The following KCTD16 variants were observed in gnomAD, a reference collection of about 807,000 sequenced individuals.
KCTD16 encodes the protein BTB/POZ domain-containing protein KCTD16.
KCTD16 carries 13 observed loss-of-function variants against 33.2 expected under a neutral mutation model. The ratio of observed to expected loss-of-function variants is 0.39; its 90% CI spans 0.25 to 0.62. The LOEUF (loss-of-function observed/expected upper bound fraction) is 0.62, where lower values mean the gene tolerates loss of function less well. Among genes scored for constraint, KCTD16 ranks in the 20% least tolerant of loss-of-function variants. The pLI is 0.50. For synonymous variants in KCTD16, 197 were observed against 195.3 expected, an observed-to-expected ratio of 1.01 and a Z score of -0.07; for missense variants, 441 against 525.1, an observed-to-expected ratio of 0.84 and a Z score of 1.57.
At chr5:144,294,543 G>T (rs1036238749) in intron 3 of KCTD16, among the ~76,000 whole-genome samples, 1 of 151,866 alleles carries the variant, frequency 6.6e-6, no homozygotes, top group Non-Finnish European at 1.5e-5. Context: ...ATATTAGCAT[G>T]TTATTTGACT....
intron 3 of KCTD16, among the ~76,000 whole-genome samples, chr5:144,334,518 C>T (rs938659320): frequency 6.6e-6 from 1 of 152,140 alleles, no homozygotes; most frequent in African/African-American, 2.4e-5. Flanking sequence ...AAAAGTTGCC[C>T]TTCTGGTGGC....
intron 3 of KCTD16, among the ~76,000 whole-genome samples, chr5:144,210,358 G>A (rs1753344477): frequency 1.3e-5 from 2 of 152,134 alleles, no homozygotes; most frequent in African/African-American, 4.8e-5. Context: ...CAAAATACAG[G>A]TGAAATGCTA....
At chr5:144,205,429 C>T (rs1753139338) in intron 2 of KCTD16, 1 of 398,428 alleles carries the variant, frequency 2.5e-6, no homozygotes, top group South Asian at 1.3e-4. Flanking sequence ...CACCCAGCTC[C>T]GCCGCCAGAG....
chr5:144,310,091 CCTCT>C (rs1418660548), intron 3 of KCTD16, among the ~76,000 whole-genome samples: 6 of 151,252 alleles, frequency 4.0e-5, no homozygotes, highest in African/African-American at 1.5e-4. Context: ...ATATTATTCT[CCTCT>C]CTACCTCCAT....
chr5:144,206,999 C>T lies in KCTD16; in HGVS notation c.285C>T (p.Val95=), dbSNP rs937025087. 2 of 1,614,038 alleles carry T rather than the reference C, an allele frequency of 1.2e-6. No individual in the cohort carries two copies. Among genetic ancestry groups the T allele is most frequent in the Non-Finnish European group, 1.7e-6 (2 of 1,180,008 alleles). The change falls in exon 3 of 4, where the codon GTC becomes GTT. Residue 95 remains valine, a synonymous_variant. Transcript: ENST00000512467. The part of the protein sequence containing the change: ...ILDYLRDRQV[V]LPDHFPEKGR... ...ACTATCTCAGGGACAGGCAGGTGGT[C>T]CTGCCTGATCACTTTCCAGAAAAAG...
chr5:144,375,113 G>T (rs1343191248), intron 3 of KCTD16, among the ~76,000 whole-genome samples: 1 of 152,162 alleles, frequency 6.6e-6, no homozygotes, highest in African/African-American at 2.4e-5. Flanking sequence ...GCATAGGGAA[G>T]GCCTTCATTC....
chr5:144,304,534 A>T (rs372139872), intron 3 of KCTD16, among the ~76,000 whole-genome samples: 38 of 152,192 alleles, frequency 2.5e-4, no homozygotes, highest in African/African-American at 8.4e-4. Flanking sequence ...ATTACGCTTC[A>T]CAGACAGGTT....
At chr5:144,295,470 G>C (rs971799104) in intron 3 of KCTD16, among the ~76,000 whole-genome samples, 1 of 152,282 alleles carries the variant, frequency 6.6e-6, no homozygotes, top group South Asian at 2.1e-4. Context: ...AACTCCAGGG[G>C]AGGCAGTGTG....
rs1754591053 is a variant in KCTD16 at position 144,476,171 on chromosome 5, T to TTGC, written c.*2057_*2058insTGC. On this transcript the variant is annotated 3_prime_UTR_variant, in exon 4 of 4. Coordinates refer to ENST00000512467, the MANE Select transcript of KCTD16 (RefSeq NM_020768.4). Reference sequence around the variant, plus strand: ...AGATCTTGCAAAGAATCACAGAGCTTAATGGGTCAAGAAGTTGAATTTGGG... The same window carrying TTGC: ...AGATCTTGCAAAGAATCACAGAGCTTTGCAATGGGTCAAGAAGTTGAATTTGGG... 6.6e-6 allele frequency: 1 copy of TTGC among 152,154 alleles called. No individual in the cohort carries two copies. Among genetic ancestry groups the TTGC allele is most frequent in the Admixed American group, 6.5e-5 (1 of 15,272 alleles). The allele number at this position is 152,154 out of a possible 1,614,324, so 9.4% of individuals were successfully genotyped here.
At chr5:144,262,356 T>C (rs2126840142) in intron 3 of KCTD16, among the ~76,000 whole-genome samples, 1 of 152,260 alleles carries the variant, frequency 6.6e-6, no homozygotes, top group East Asian at 1.9e-4. Context: ...AGGACAAAAC[T>C]TGTGGGCTAT....
At chr5:144,332,102 C>A (rs1752376554) in intron 3 of KCTD16, among the ~76,000 whole-genome samples, 1 of 152,114 alleles carries the variant, frequency 6.6e-6, no homozygotes, top group Non-Finnish European at 1.5e-5. Flanking sequence ...TCCTATCAAA[C>A]ACCTCTAAAA....
intron 3 of KCTD16, among the ~76,000 whole-genome samples, chr5:144,356,004 G>A (rs1310624030): frequency 6.6e-6 from 1 of 152,168 alleles, no homozygotes; most frequent in East Asian, 1.9e-4. Flanking sequence ...TCTGGAGCTT[G>A]TAGAACACAA....
At chr5:144,214,476 G>A (rs542361743) in intron 3 of KCTD16, among the ~76,000 whole-genome samples, 15 of 152,244 alleles carry the variant, frequency 9.9e-5, no homozygotes, top group African/African-American at 3.4e-4. Context: ...TCTTTAACAT[G>A]AACCACATCC....
At chr5:144,316,441 A>G (rs1224626994) in intron 3 of KCTD16, among the ~76,000 whole-genome samples, 1 of 151,380 alleles carries the variant, frequency 6.6e-6, no homozygotes, top group African/African-American at 2.4e-5. Context: ...GGTATCTAAG[A>G]GCATGTATTA....
intron 2 of KCTD16, among the ~76,000 whole-genome samples, chr5:144,192,541 AG>A (rs2126780865): frequency 6.6e-6 from 1 of 152,308 alleles, no homozygotes; most frequent in African/African-American, 2.4e-5. Flanking sequence ...TTGTGTTCTA[AG>A]GGGTTACATG....
At chr5:144,173,068 T>A (rs775849886) in intron 1 of KCTD16, among the ~76,000 whole-genome samples, 1 of 152,234 alleles carries the variant, frequency 6.6e-6, no homozygotes, top group Non-Finnish European at 1.5e-5. Flanking sequence ...GAGGACAGTG[T>A]GGCGAATCCT....
intron 3 of KCTD16, among the ~76,000 whole-genome samples, chr5:144,349,153 C>G (rs552126937): frequency 1.3e-5 from 2 of 152,190 alleles, no homozygotes; most frequent in African/African-American, 4.8e-5. Flanking sequence ...TTATACATCT[C>G]TCCTAATTCT....
intron 3 of KCTD16, among the ~76,000 whole-genome samples, chr5:144,375,365 A>G (rs951475665): frequency 5.9e-5 from 9 of 152,302 alleles, no homozygotes; most frequent in Admixed American, 4.6e-4. Flanking sequence ...GGAGCCTATA[A>G]TCATACATAT....
chr5:144,291,277 C>A (rs919036030), intron 3 of KCTD16, among the ~76,000 whole-genome samples: 3 of 152,188 alleles, frequency 2.0e-5, no homozygotes, highest in Admixed American at 1.3e-4. Context: ...TTTCTTAAAG[C>A]ACTCTAAATT....
Sources: gnomAD v4.1 joint callset for allele counts (sites outside exome capture counted in the v4.1 genomes callset) on GRCh38, gnomAD v4.1.1 for gene constraint, MANE v1.5 for transcripts, NCBI Gene and HGNC (gene_info 2026-07-23, HGNC 2026-07-21) for gene names.